Variants in FXR1 observed in about 807,000 individuals in gnomAD.
FXR1 encodes the protein FMR1 autosomal homolog 1.
FXR1 carries 15 observed loss-of-function variants against 84.0 expected under a neutral mutation model. The observed-to-expected ratio is 0.18, with a 90% CI of 0.12 to 0.27. The LOEUF (loss-of-function observed/expected upper bound fraction) is 0.27. Ranked by LOEUF, FXR1 falls within the 10% of genes least tolerant of loss-of-function variation. FXR1 has a pLI of 1.00. For missense variants in FXR1, 480 were observed against 774.4 expected, an observed-to-expected ratio of 0.62 and a Z score of 4.51; for synonymous variants, 245 against 250.7, an observed-to-expected ratio of 0.98 and a Z score of 0.21.
rs917023617 is a variant in FXR1 at position 180,915,669 on chromosome 3, C to T, written c.51+2933C>T. ...TCCCTTTTTTCCCCTCCTCTTACCC[C>T]GTATAGGCAGAAGACACACATTTGG... On this transcript the variant is annotated intron_variant, in intron 1 of 16. Coordinates refer to ENST00000357559, the MANE Select transcript of FXR1 (RefSeq NM_005087.4). 46 of 702,622 alleles carry T rather than the reference C, an allele frequency of 6.5e-5. No individual in the cohort carries two copies. In the East Asian group the frequency reaches 1.2e-3, roughly 18 times the overall value. The allele number at this position is 702,622 out of a possible 1,614,324, so 43.5% of individuals were successfully genotyped here.
chr3:180,929,200 C>G (rs956089038), intron 1 of FXR1, among the ~76,000 whole-genome samples: 1 of 152,120 alleles, frequency 6.6e-6, no homozygotes. Flanking sequence ...CCACCGCGCC[C>G]GGCCTAATTT....
chr3:180,952,113 T>C (rs1316349277), intron 8 of FXR1, among the ~76,000 whole-genome samples: 1 of 152,160 alleles, frequency 6.6e-6, no homozygotes, highest in Non-Finnish European at 1.5e-5. Flanking sequence ...ATCCTTCAAA[T>C]TAGAGTAACT....
At chr3:180,925,417 T>G (rs1467588604) in intron 1 of FXR1, among the ~76,000 whole-genome samples, 5 of 152,154 alleles carry the variant, frequency 3.3e-5, no homozygotes, top group Non-Finnish European at 7.4e-5. Flanking sequence ...CCAGTAATTT[T>G]TACTCATTTT....
chr3:180,926,825 TA>T (rs544290385), intron 1 of FXR1, among the ~76,000 whole-genome samples: 2 of 151,930 alleles, frequency 1.3e-5, no homozygotes, highest in African/African-American at 2.4e-5. Flanking sequence ...CAGTGGGTCT[TA>T]AAAAAAATCT....
At chr3:180,966,333 A>G (rs1173890245) in intron 13 of FXR1, among the ~76,000 whole-genome samples, 2 of 152,230 alleles carry the variant, frequency 1.3e-5, no homozygotes, top group African/African-American at 2.4e-5. Context: ...ATCTATTAAC[A>G]CCATGTAGAG....
chr3:180,914,604 A>T, intron 1 of FXR1: 1 of 179,306 alleles, frequency 5.6e-6, no homozygotes, highest in East Asian at 1.9e-4. Context: ...TTTAGTAAAG[A>T]TTGTTTGCAG....
intron 1 of FXR1, among the ~76,000 whole-genome samples, chr3:180,921,777 C>T (rs139867446): frequency 2.0e-5 from 3 of 151,464 alleles, no homozygotes; most frequent in African/African-American, 4.8e-5. Flanking sequence ...TACATAGACA[C>T]GTGTATAATT....
In FXR1 at chr3:180,978,289, C is replaced by CTTTTT. The variant is rs1408969495; in HGVS notation, c.*1999_*2000insTTTTT. On this transcript the variant is annotated 3_prime_UTR_variant, in exon 17 of 17. Transcript: ENST00000357559. ...TCAATGGGAATGGAAGAAACAAAAT[C>CTTTTT]TTAAAAGAGTGAGTATAGCTGAACC... is the stretch of plus-strand genomic sequence containing the variant. The CTTTTT allele has an allele frequency of 6.9e-6, 1 of 145,964 alleles. No individual in the cohort carries two copies. The highest frequency in any genetic ancestry group is 2.5e-5 in the African/African-American group (1 of 40,712). 9.0% of individuals were successfully genotyped at this position (145,964 alleles called of 1,614,324 possible).
rs1197505123 is a variant in FXR1 at position 180,980,168 on chromosome 3, C to T, written c.*3876C>T. On this transcript the variant is annotated 3_prime_UTR_variant, in exon 17 of 17. Coordinates refer to ENST00000357559, the MANE Select transcript of FXR1 (RefSeq NM_005087.4). ...TGTCAGACCCTGAGCAACACCTAAC[C>T]AAATGCCCAAGTATTCTCATAAGGA... 1.3e-5 allele frequency: 2 copies of T among 152,026 alleles called. No individual in the cohort carries two copies. Among genetic ancestry groups the T allele is most frequent in the African/African-American group, 2.4e-5 (1 of 41,422 alleles). The allele number at this position is 152,026 out of a possible 1,614,324, so 9.4% of individuals were successfully genotyped here.
chr3:180,972,379 C>T (rs896276097), intron 15 of FXR1, among the ~76,000 whole-genome samples: 1 of 152,170 alleles, frequency 6.6e-6, no homozygotes, highest in Non-Finnish European at 1.5e-5. Context: ...TCACTTTAGC[C>T]TGGGAGGTCG....
intron 2 of FXR1, among the ~76,000 whole-genome samples, 200 bp from the exon 3 acceptor site, chr3:180,934,938 G>T (rs1210585310): frequency 3.3e-5 from 5 of 152,116 alleles, no homozygotes; most frequent in Admixed American, 3.3e-4. Flanking sequence ...TAACAATTAT[G>T]TTAATTATGA....
chr3:180,971,209 C>CT (rs1713535963), intron 15 of FXR1: 3 of 561,516 alleles, frequency 5.3e-6, no homozygotes, highest in African/African-American at 4.0e-5. Context: ...AAAAAAATGT[C>CT]TATGTCTGCT....
rs374471475 is a variant in FXR1 at position 180,969,196 on chromosome 3, G to C, written c.1402+942G>C. ...CTTTGAGCCTTAAGTTTAGTTTACA[G>C]GCTTTCAGGGTAATAGTTTTTATAT... On this transcript the variant is annotated intron_variant, in intron 14 of 16. Coordinates refer to ENST00000357559, the MANE Select transcript of FXR1 (RefSeq NM_005087.4). Among the ~76,000 whole-genome samples, 8 of 152,276 alleles carry C rather than the reference G, an allele frequency of 5.3e-5. No homozygotes were observed. In the East Asian group the frequency reaches 9.7e-4, roughly 18 times the overall value.
chr3:180,948,203 A>G, intron 4 of FXR1, 144 bp from the exon 5 acceptor site: 1 of 651,498 alleles, frequency 1.5e-6, no homozygotes, highest in Non-Finnish European at 2.7e-6. Flanking sequence ...GGCAAATCAG[A>G]TTGATGTAGC....
intron 3 of FXR1, among the ~76,000 whole-genome samples, chr3:180,942,286 G>A (rs1192729172): frequency 6.8e-6 from 1 of 146,672 alleles, no homozygotes; most frequent in Non-Finnish European, 1.5e-5. Context: ...GCTGAGGCAG[G>A]AGAATGGCGT....
intron 6 of FXR1, 73 bp downstream of exon 6, chr3:180,948,887 A>G (rs1031784269): frequency 7.6e-6 from 6 of 790,368 alleles, no homozygotes; most frequent in Non-Finnish European, 1.3e-5. Context: ...ATATTTCAGA[A>G]GAGAAAAGCT....
rs1377126654 is a variant in FXR1, at chr3:180,982,086, CG to C, written c.*5796del. 6.6e-6 allele frequency: 1 copy of C among 151,998 alleles called. No individual in the cohort carries two copies. The highest frequency in any genetic ancestry group is 2.4e-5 in the African/African-American group (1 of 41,414). 9.4% of individuals were successfully genotyped at this position (151,998 alleles called of 1,614,324 possible). A position where few individuals can be genotyped will look rare whatever the true frequency, so the allele number is the denominator to read the frequency against. On this transcript the variant is annotated 3_prime_UTR_variant, in exon 17 of 17. Coordinates refer to ENST00000357559, the MANE Select transcript of FXR1 (RefSeq NM_005087.4). ...GCCATAGTACAAAAAGTTAAGAGAACGGAACTCAGGATCTGAGAAAGATCAG... is the reference window on the plus strand; with the variant it reads ...GCCATAGTACAAAAAGTTAAGAGAACGAACTCAGGATCTGAGAAAGATCAG...
At chr3:180,942,148 G>A (rs562608310) in intron 3 of FXR1, among the ~76,000 whole-genome samples, 2 of 151,960 alleles carry the variant, frequency 1.3e-5, no homozygotes, top group African/African-American at 4.8e-5. Context: ...GGAGGCCGAG[G>A]CGGGCAGATC....
At chr3:180,916,310 A>G (rs1212368056) in intron 1 of FXR1, among the ~76,000 whole-genome samples, 3 of 152,234 alleles carry the variant, frequency 2.0e-5, no homozygotes, top group African/African-American at 4.8e-5. Context: ...GCATCATTAA[A>G]GTGCTTTTTA....
Sources: gnomAD v4.1 joint callset for allele counts (sites outside exome capture counted in the v4.1 genomes callset) on GRCh38, gnomAD v4.1.1 for gene constraint, MANE v1.5 for transcripts, NCBI Gene and HGNC (gene_info 2026-07-23, HGNC 2026-07-21) for gene names.